The following FBXL17 variants were observed in gnomAD, a reference collection of about 807,000 sequenced individuals.
FBXL17 encodes the protein F-box and leucine rich repeat protein 17, also known as F-box/LRR-repeat protein 17.
In FBXL17, 22 loss-of-function variants were observed where a neutral mutation model predicts 66.2. That is an observed-to-expected ratio of 0.33 (90% CI 0.24 to 0.47). The LOEUF (loss-of-function observed/expected upper bound fraction) is 0.47, where lower values mean the gene tolerates loss of function less well. Ranked by LOEUF, FBXL17 falls within the 20% of genes least tolerant of loss-of-function variation. The pLI is 1.00. For missense variants in FBXL17, 878 were observed against 948.2 expected, an observed-to-expected ratio of 0.93 and a Z score of 0.97; for synonymous variants, 474 against 400.5, an observed-to-expected ratio of 1.18 and a Z score of -2.19.
chr5:108,006,471 G>A (rs188106673), intron 7 of FBXL17, among the ~76,000 whole-genome samples: 1 of 152,288 alleles, frequency 6.6e-6, no homozygotes, highest in Admixed American at 6.5e-5. Context: ...AAGGTGAATA[G>A]TGATGCCATT....
At chr5:108,374,784 C>T (rs1208927904) in intron 1 of FBXL17, among the ~76,000 whole-genome samples, 1 of 152,006 alleles carries the variant, frequency 6.6e-6, no homozygotes, top group Non-Finnish European at 1.5e-5. Flanking sequence ...ATTTAACAAT[C>T]AACAAGTAAG....
chr5:107,881,130 G>A lies in FBXL17; in HGVS notation c.1872C>T (p.Val624=), dbSNP rs143348449. Residue 624 remains valine, a synonymous_variant, in exon 8 of 9, where the codon GTC becomes GTT. Coordinates refer to ENST00000542267, the MANE Select transcript of FBXL17 (RefSeq NM_001163315.3). ...GGTCTGTGATTTCTTTACACCATCC[G>A]ACATCCACAGTCTCTATTGTCATGC... ...RYSMTIETVD[V]GWCKEITDQG... 208 of 1,613,768 alleles carry A rather than the reference G, an allele frequency of 1.3e-4. No individual in the cohort carries two copies. In the African/African-American group the frequency reaches 2.3e-3, roughly 18 times the overall value.
At chr5:108,377,425 G>A (rs552707294) in intron 1 of FBXL17, among the ~76,000 whole-genome samples, 5 of 152,066 alleles carry the variant, frequency 3.3e-5, no homozygotes, top group Admixed American at 1.3e-4. Flanking sequence ...ACATTTTATC[G>A]ACAAAGGTTT....
chr5:108,023,924 ACTT>A (rs1391153144), intron 6 of FBXL17, among the ~76,000 whole-genome samples: 14 of 152,196 alleles, frequency 9.2e-5, no homozygotes, highest in African/African-American at 3.1e-4. Context: ...TAAAATGTTT[ACTT>A]CTTCATCACC....
At chr5:108,039,768 A>G (rs1024172106) in intron 6 of FBXL17, among the ~76,000 whole-genome samples, 1 of 152,130 alleles carries the variant, frequency 6.6e-6, no homozygotes, top group African/African-American at 2.4e-5. Context: ...AGTAGAAAAA[A>G]TTAATCTTAA....
At chr5:108,095,025 T>C (rs1303737226) in intron 6 of FBXL17, among the ~76,000 whole-genome samples, 3 of 152,068 alleles carry the variant, frequency 2.0e-5, no homozygotes, top group African/African-American at 7.2e-5. Flanking sequence ...TGGCCAAATA[T>C]GATAAGTGAT....
chr5:108,193,396 T>C (rs188622674), intron 5 of FBXL17, among the ~76,000 whole-genome samples: 1 of 151,874 alleles, frequency 6.6e-6, no homozygotes, highest in Non-Finnish European at 1.5e-5. Context: ...TAGCAATAGA[T>C]CTTGAAGTAT....
At chr5:108,053,092 A>C (rs867146044) in intron 6 of FBXL17, among the ~76,000 whole-genome samples, 1 of 152,284 alleles carries the variant, frequency 6.6e-6, no homozygotes, top group Middle Eastern at 3.4e-3. Flanking sequence ...AACCATAAAA[A>C]CTCTAGAAGA....
At chr5:108,210,614 T>G (rs1754326320) in intron 5 of FBXL17, among the ~76,000 whole-genome samples, 1 of 152,172 alleles carries the variant, frequency 6.6e-6, no homozygotes, top group Admixed American at 6.6e-5. Context: ...CATGTAGTTG[T>G]GCGGTTTTGA....
intron 5 of FBXL17, among the ~76,000 whole-genome samples, chr5:108,189,521 T>C (rs772256293): frequency 2.0e-5 from 3 of 151,944 alleles, no homozygotes; most frequent in Admixed American, 2.0e-4. Context: ...AGTGAGAAAA[T>C]AAACAGGTAT....
chr5:107,880,916 TA>T, intron 8 of FBXL17, 120 bp downstream of exon 8: 1 of 1,477,350 alleles, frequency 6.8e-7, no homozygotes, highest in African/African-American at 1.4e-5. Flanking sequence ...TATATACATA[TA>T]AAATGTATAT....
intron 5 of FBXL17, among the ~76,000 whole-genome samples, chr5:108,206,541 T>C (rs1320991335): frequency 6.6e-6 from 1 of 152,142 alleles, no homozygotes; most frequent in Non-Finnish European, 1.5e-5. Flanking sequence ...TTTGTTCCTC[T>C]CTCCTCCCTC....
At chr5:108,323,786 T>A (rs1759728852) in intron 4 of FBXL17, among the ~76,000 whole-genome samples, 1 of 151,926 alleles carries the variant, frequency 6.6e-6, no homozygotes, top group South Asian at 2.1e-4. Context: ...AATTCTTGCA[T>A]AAAAAGTCAA....
At chr5:108,272,317 TA>T (rs1279588963) in intron 4 of FBXL17, among the ~76,000 whole-genome samples, 1 of 151,042 alleles carries the variant, frequency 6.6e-6, no homozygotes, top group South Asian at 2.1e-4. Context: ...AAATAAAAAT[TA>T]AAAAATAAAG....
At chr5:108,259,012 T>C (rs1430978182) in intron 4 of FBXL17, among the ~76,000 whole-genome samples, 1 of 152,162 alleles carries the variant, frequency 6.6e-6, no homozygotes, top group Admixed American at 6.5e-5. Context: ...AAAGCAATTA[T>C]ACAATTTCCA....
At chr5:108,282,251 C>T (rs1323705581) in intron 4 of FBXL17, among the ~76,000 whole-genome samples, 1 of 151,794 alleles carries the variant, frequency 6.6e-6, no homozygotes, top group Non-Finnish European at 1.5e-5. Context: ...CTTTGTTTAA[C>T]ACAGACACAA....
At chr5:107,861,934 G>A in intron 8 of FBXL17, 74 bp from the exon 9 acceptor site, 1 of 1,364,500 alleles carries the variant, frequency 7.3e-7, no homozygotes, top group Non-Finnish European at 9.6e-7. Context: ...TCACTGATGT[G>A]CTGCAGCTGG....
chr5:107,901,780 A>G (rs1203978337), intron 7 of FBXL17, among the ~76,000 whole-genome samples: 1 of 152,152 alleles, frequency 6.6e-6, no homozygotes, highest in East Asian at 1.9e-4. Context: ...CACAAAGATA[A>G]ATGGCAACCA....
chr5:108,178,236 C>T (rs543952517), intron 6 of FBXL17, among the ~76,000 whole-genome samples: 77 of 151,996 alleles, frequency 5.1e-4, no homozygotes, highest in African/African-American at 1.8e-3. Flanking sequence ...TTTATAAAGA[C>T]GGGGTTTCAC....
Sources: gnomAD v4.1 joint callset for allele counts (sites outside exome capture counted in the v4.1 genomes callset) on GRCh38, gnomAD v4.1.1 for gene constraint, MANE v1.5 for transcripts, NCBI Gene and HGNC (gene_info 2026-07-23, HGNC 2026-07-21) for gene names.